ITFG2: variants seen among roughly 807,000 people sequenced by gnomAD.
ITFG2 encodes the protein integrin alpha FG-GAP repeat containing 2.
ITFG2 carries 36 observed loss-of-function variants against 54.4 expected under a neutral mutation model. The ratio of observed to expected loss-of-function variants is 0.66; its 90% CI spans 0.51 to 0.87. The LOEUF is 0.87. Ranked by LOEUF, ITFG2 falls within the 40% of genes least tolerant of loss-of-function variation. The probability of loss-of-function intolerance (pLI) is 0.00; values close to 1 mark genes in which losing one functional copy is unlikely to be tolerated. For missense variants in ITFG2, 524 were observed against 576.7 expected (o/e 0.91, Z 0.94); for synonymous variants, 211 against 225.4 (o/e 0.94, Z 0.57).
chr12:2,856,643 G>A (rs1049656948), intron 2 of ITFG2, among the ~76,000 whole-genome samples: 3 of 152,212 alleles, frequency 2.0e-5, no homozygotes, highest in Admixed American at 1.3e-4. Context: ...GATTGCAGGC[G>A]TGAGCCACTG....
At chr12:2,820,570 C>T (rs1409332327) in intron 5 of ITFG2, among the ~76,000 whole-genome samples, 154 bp from the exon 6 acceptor site, 1 of 152,030 alleles carries the variant, frequency 6.6e-6, no homozygotes, top group Non-Finnish European at 1.5e-5. Context: ...GAAATCCTTC[C>T]TCCTGCTGCT....
chr12:2,836,342 G>A (rs1054500066), upstream of ITFG2, among the ~76,000 whole-genome samples: 1 of 152,162 alleles, frequency 6.6e-6, no homozygotes, highest in Non-Finnish European at 1.5e-5. Context: ...CACCATCAGG[G>A]AAACGCATTG....
chr12:2,828,838 G>A (rs1223627344), downstream of ITFG2, among the ~76,000 whole-genome samples: 1 of 152,080 alleles, frequency 6.6e-6, no homozygotes, highest in Non-Finnish European at 1.5e-5. Flanking sequence ...GCAAAACTCT[G>A]TCTCAAAACA....
chr12:2,827,884 G>C (rs755957163), downstream of ITFG2: 3 of 1,612,960 alleles, frequency 1.9e-6, no homozygotes, highest in African/African-American at 2.7e-5. This position sits in a 1 kb window ranked among gnomAD's most constrained non-coding sequence, Gnocchi z 4.0. Flanking sequence ...CAAAGAGAAA[G>C]GTGAGGTGAG....
upstream of ITFG2, among the ~76,000 whole-genome samples, chr12:2,832,450 C>T (rs1166908693): frequency 3.3e-5 from 5 of 152,014 alleles, no homozygotes; most frequent in African/African-American, 4.8e-5. Flanking sequence ...TCCTCTTCCT[C>T]ACTCTTCTCG....
At chr12:2,813,584 G>C (rs1043431673) in intron 1 of ITFG2, among the ~76,000 whole-genome samples, 1 of 152,138 alleles carries the variant, frequency 6.6e-6, no homozygotes, top group Non-Finnish European at 1.5e-5. Flanking sequence ...AGGATTCTCC[G>C]GTGGAGCATT....
intron 2 of ITFG2, chr12:2,854,831 G>T: frequency 6.9e-7 from 1 of 1,440,868 alleles, no homozygotes; most frequent in Non-Finnish European, 9.2e-7. Flanking sequence ...ACAGGAACCT[G>T]AGAGAGGGAG....
At chr12:2,817,138 T>G (rs1212895625) in intron 1 of ITFG2, 85 bp from the exon 2 acceptor site, 17 of 806,044 alleles carry the variant, frequency 2.1e-5, no homozygotes, top group Non-Finnish European at 3.3e-5. Flanking sequence ...GTCTTGTGAT[T>G]ACCCTTGGCT....
chr12:2,849,552 C>A, intron 2 of ITFG2: 1 of 1,535,586 alleles, frequency 6.5e-7, no homozygotes, highest in South Asian at 1.2e-5. Context: ...ATGGAGAGAA[C>A]AGAGAGATCA....
intron 8 of ITFG2, 24 bp downstream of exon 8, chr12:2,821,620 T>TGG (rs780510563): frequency 6.2e-7 from 1 of 1,613,982 alleles, no homozygotes; most frequent in Non-Finnish European, 8.5e-7. Flanking sequence ...GGATGGGGTG[T>TGG]GGGGGCTGTA....
chr12:2,820,923 G>A (rs1296800651), intron 6 of ITFG2, 51 bp downstream of exon 6: 1 of 1,588,296 alleles, frequency 6.3e-7, no homozygotes, highest in East Asian at 2.2e-5. Context: ...GAAGCAGGAT[G>A]GGCTCCCAGA....
At chr12:2,852,637 T>G (rs1011912195) in intron 2 of ITFG2, among the ~76,000 whole-genome samples, 1 of 151,966 alleles carries the variant, frequency 6.6e-6, no homozygotes, top group African/African-American at 2.4e-5. Flanking sequence ...AGTGTTGGGA[T>G]TACAGGCATG....
At chr12:2,840,430 T>A (rs931585260) in intron 1 of ITFG2, among the ~76,000 whole-genome samples, 9 of 146,876 alleles carry the variant, frequency 6.1e-5, no homozygotes, top group Non-Finnish European at 1.2e-4. Flanking sequence ...CACCCCAGCC[T>A]GGGAGACAGA....
At chr12:2,848,965 C>T (rs75123605) in intron 2 of ITFG2, 9,194 of 467,938 alleles carry the variant, frequency 0.02, 128 homozygotes, top group Non-Finnish European at 0.027. Context: ...TCCCTGTTCT[C>T]CCTGCTCTAC....
chr12:2,813,967 A>G (rs1489858068), intron 1 of ITFG2, among the ~76,000 whole-genome samples: 1 of 152,216 alleles, frequency 6.6e-6, no homozygotes, highest in Non-Finnish European at 1.5e-5. Context: ...TTATAGAGAC[A>G]GGGTCTCACT....
In ITFG2 at chr12:2,824,150, A is replaced by G. The variant is rs2097956181; in HGVS notation, c.1301A>G (p.Gln434Arg). Residue 434 changes from glutamine to arginine, a missense_variant, in exon 12 of 12, where the codon CAG (glutamine) becomes CGG (arginine). Gln to Arg is a conservative substitution (Grantham distance 43, BLOSUM62 1). Transcript: ENST00000228799. ...LLHQTLYHPDQPPQCAPSSLQ... is the reference protein window; with the variant it reads ...LLHQTLYHPDRPPQCAPSSLQ... ...CACCAAACGCTCTACCATCCAGACC[A>G]GCCACCACAGTGTGCTCCCTCAAGC... is the stretch of plus-strand genomic sequence containing the variant. 1 of 1,614,144 alleles carries G rather than the reference A, an allele frequency of 6.2e-7. No individual in the cohort carries two copies. The highest frequency in any genetic ancestry group is 1.3e-5 in the African/African-American group (1 of 75,030).
intron 2 of ITFG2, among the ~76,000 whole-genome samples, chr12:2,853,459 G>C (rs796712569): frequency 1.4e-4 from 21 of 152,198 alleles, no homozygotes; most frequent in African/African-American, 5.1e-4. Context: ...TTTTAGTAGA[G>C]ACGGGGTTTC....
rs2097943495 is a variant in ITFG2, at chr12:2,821,315, A to G, written c.749A>G (p.His250Arg). 1 of 1,610,384 alleles carries G rather than the reference A, an allele frequency of 6.2e-7. No homozygotes were observed. Among genetic ancestry groups the G allele is most frequent in the Non-Finnish European group, 8.5e-7 (1 of 1,178,286 alleles). The stretch of plus-strand genomic sequence containing the variant: ...CTGCACCAGACATCTGGCCGTATCC[A>G]CAACAAGAATGTCTCCACTCACCTA... ...VVLHQTSGRI[H>R]NKNVSTHLIG... Residue 250 changes from histidine to arginine, a missense_variant, in exon 7 of 12, where the codon CAC (histidine) becomes CGC (arginine). By Grantham distance (29) the His-to-Arg change is conservative (BLOSUM62 0). Transcript: ENST00000228799.
intron 3 of ITFG2, chr12:2,859,318 T>C (rs1192207416): frequency 6.2e-7 from 1 of 1,613,400 alleles, no homozygotes. Context: ...CTCTCCCTCC[T>C]CTCCCTGTGT....
Sources: allele counts gnomAD v4.1 joint callset (sites outside exome capture counted in the v4.1 genomes callset), GRCh38; gene constraint gnomAD v4.1.1; non-coding constraint Gnocchi (gnomAD v3.1); transcripts MANE v1.5; gene names NCBI Gene and HGNC (gene_info 2026-07-23, HGNC 2026-07-21).